Variants in ADH5 observed in about 807,000 individuals in gnomAD.
ADH5 encodes the protein alcohol dehydrogenase 5 (class III), chi polypeptide.
Under a neutral mutation model 40.3 loss-of-function variants are expected in ADH5, and 32 were observed. That is an observed-to-expected ratio of 0.79 (90% CI 0.60 to 1.07). The LOEUF is 1.07. Among genes scored for constraint, ADH5 ranks in the 50% least tolerant of loss-of-function variants. The pLI, the probability that ADH5 is intolerant of heterozygous loss-of-function variation, is 0.00. For missense variants in ADH5, 353 were observed against 460.5 expected (o/e 0.77, Z 2.14); for synonymous variants, 125 against 154.3 (o/e 0.81, Z 1.41).
intron 2 of ADH5, among the ~76,000 whole-genome samples, chr4:99,084,311 C>A (rs1378037628): frequency 1.3e-5 from 2 of 152,120 alleles, no homozygotes; most frequent in Admixed American, 6.5e-5. Flanking sequence ...GGTAAAGAAG[C>A]CAGCAAAAAC....
At chr4:99,088,311 G>A (rs1475416916) in intron 1 of ADH5, among the ~76,000 whole-genome samples, 1 of 152,172 alleles carries the variant, frequency 6.6e-6, no homozygotes, top group Admixed American at 6.5e-5. Flanking sequence ...GCTCTGCCAA[G>A]TATGCAAGCT....
intron 2 of ADH5, among the ~76,000 whole-genome samples, chr4:99,083,831 A>T (rs763621527): frequency 1.4e-4 from 22 of 152,110 alleles, no homozygotes; most frequent in Non-Finnish European, 2.8e-4. Flanking sequence ...AAACAAGTAG[A>T]GAGTAGTAGA....
chr4:99,087,873 T>A (rs1362478190), intron 1 of ADH5, among the ~76,000 whole-genome samples: 2 of 152,238 alleles, frequency 1.3e-5, no homozygotes, highest in African/African-American at 4.8e-5. Context: ...AACTCCAATA[T>A]GTTTAAGGCC....
chr4:99,082,800 C>T (rs911218463), intron 2 of ADH5, among the ~76,000 whole-genome samples: 2 of 152,168 alleles, frequency 1.3e-5, no homozygotes, highest in African/African-American at 4.8e-5. Context: ...CTTCAGCCTT[C>T]TGAGTAGCTG....
intron 4 of ADH5, among the ~76,000 whole-genome samples, chr4:99,079,367 GA>G (rs33981706): frequency 0.86 from 131,214 of 151,918 alleles, 57,099 homozygotes; most frequent in East Asian, 1. Context: ...CAGACATTAT[GA>G]AAAAAAAGAA....
intron 4 of ADH5, among the ~76,000 whole-genome samples, chr4:99,077,500 TA>T (rs28730620): frequency 1.3e-5 from 2 of 150,702 alleles, no homozygotes; most frequent in African/African-American, 2.4e-5. Flanking sequence ...GTCTCAAAAA[TA>T]AAAAAAAATA....
chr4:99,079,182 C>G (rs561673993), intron 4 of ADH5, among the ~76,000 whole-genome samples: 1 of 152,226 alleles, frequency 6.6e-6, no homozygotes, highest in South Asian at 2.1e-4. Context: ...CTATATCCAT[C>G]AAAAGACATG....
chr4:99,082,190 C>T lies in ADH5; in HGVS notation c.115-74G>A. 3 of 1,448,130 alleles carry T rather than the reference C, an allele frequency of 2.1e-6. No individual in the cohort carries two copies. In the Admixed American group the frequency reaches 6.0e-5, roughly 29 times the overall value. The allele number at this position is 1,448,130 out of a possible 1,614,324, so 89.7% of individuals were successfully genotyped here. On this transcript the variant is annotated intron_variant, in intron 2 of 8. Transcript: ENST00000296412. ...TCAGAGGTACAGATACAAGAAAAGT[C>T]ATTTTATTATAATACTATATTTCAT...
intron 7 of ADH5, 33 bp from the exon 8 acceptor site, chr4:99,072,744 A>C: frequency 6.3e-7 from 1 of 1,584,970 alleles, no homozygotes; most frequent in Non-Finnish European, 8.6e-7. Context: ...TTATTCAACA[A>C]ATTTCTGCAG....
At chr4:99,085,250 T>C in intron 1 of ADH5, 34 bp from the exon 2 acceptor site, 1 of 1,209,064 alleles carries the variant, frequency 8.3e-7, no homozygotes, top group Non-Finnish European at 1.1e-6. Context: ...AAGCTGTTTA[T>C]CCTCCTAAAC....
intron 1 of ADH5, chr4:99,085,629 C>T (rs186696540): frequency 3.1e-4 from 104 of 340,958 alleles, no homozygotes; most frequent in Non-Finnish European, 5.2e-4. Flanking sequence ...CGGCTTGGTG[C>T]AAAACTGCAG....
chr4:99,084,113 G>A (rs1038423659), intron 2 of ADH5, among the ~76,000 whole-genome samples: 5 of 152,256 alleles, frequency 3.3e-5, no homozygotes, highest in South Asian at 4.1e-4. Context: ...TAGCAAAACT[G>A]AAGACCATTT....
At chr4:99,083,719 G>A (rs1269807891) in intron 2 of ADH5, among the ~76,000 whole-genome samples, 1 of 151,914 alleles carries the variant, frequency 6.6e-6, no homozygotes, top group African/African-American at 2.4e-5. Context: ...TTTTGAAAGT[G>A]AGATGGTAGG....
intron 1 of ADH5, chr4:99,085,426 A>T (rs1728115844): frequency 2.4e-6 from 1 of 408,272 alleles, no homozygotes; most frequent in South Asian, 7.3e-5. Flanking sequence ...GGTCAGATAG[A>T]AAAGTATCTT....
chr4:99,081,610 C>T (rs1728025473), intron 3 of ADH5, 158 bp from the exon 4 acceptor site: 2 of 601,386 alleles, frequency 3.3e-6, no homozygotes, highest in Non-Finnish European at 6.0e-6. Flanking sequence ...TACTGTCTGA[C>T]CATGCAAAAA....
chr4:99,085,061 T>C, intron 2 of ADH5, 54 bp downstream of exon 2: 3 of 905,120 alleles, frequency 3.3e-6, no homozygotes, highest in East Asian at 6.0e-5. Context: ...TACTCATCTA[T>C]CCAGAGACCT....
At chr4:99,085,642 T>G (rs1579366633) in intron 1 of ADH5, 1 of 325,668 alleles carries the variant, frequency 3.1e-6, no homozygotes, top group Non-Finnish European at 6.3e-6. Flanking sequence ...AACTGCAGGG[T>G]GGGAAGGAGG....
At chr4:99,082,216 T>G (rs1472098692) in intron 2 of ADH5, 100 bp from the exon 3 acceptor site, 2 of 1,239,586 alleles carry the variant, frequency 1.6e-6, no homozygotes, top group Non-Finnish European at 2.2e-6. Context: ...TATATTTCAT[T>G]GACTCTAAGA....
intron 2 of ADH5, among the ~76,000 whole-genome samples, chr4:99,084,695 A>G (rs1490855010): frequency 6.6e-6 from 1 of 152,172 alleles, no homozygotes; most frequent in Non-Finnish European, 1.5e-5. Context: ...CTCACTCCAA[A>G]TTCTTTCTTG....
Sources: gnomAD v4.1 joint callset for allele counts (sites outside exome capture counted in the v4.1 genomes callset) on GRCh38, gnomAD v4.1.1 for gene constraint, MANE v1.5 for transcripts, NCBI Gene and HGNC (gene_info 2026-07-23, HGNC 2026-07-21) for gene names.